Variants in SMARCA2 observed in about 807,000 individuals in gnomAD.
SMARCA2 encodes the protein SWI/SNF-related matrix-associated actin-dependent regulator of chromatin subfamily A member 2.
In SMARCA2, 61 loss-of-function variants were observed where a neutral mutation model predicts 199.8. The ratio of observed to expected loss-of-function variants is 0.31; its 90% CI spans 0.25 to 0.38. The LOEUF (loss-of-function observed/expected upper bound fraction) is 0.38. Ranked by LOEUF, SMARCA2 falls within the 10% of genes least tolerant of loss-of-function variation. The probability of loss-of-function intolerance (pLI) is 1.00; values close to 1 mark genes in which losing one functional copy is unlikely to be tolerated. For missense variants in SMARCA2, 1,344 were observed against 2,012.2 expected, an observed-to-expected ratio of 0.67 and a Z score of 6.35; for synonymous variants, 935 against 732.0, an observed-to-expected ratio of 1.28 and a Z score of -4.48.
rs1008835333 is a variant in SMARCA2 at position 2,016,089 on chromosome 9, C to G, written c.-37+685C>G. 6.6e-6 allele frequency: 1 copy of G among 152,220 alleles called. No individual in the cohort carries two copies. The highest frequency in any genetic ancestry group is 1.9e-4 in the East Asian group (1 of 5,160). The allele number at this position is 152,220 out of a possible 1,614,324, so 9.4% of individuals were successfully genotyped here. On this transcript the variant is annotated intron_variant, in intron 1 of 33. Coordinates refer to ENST00000349721, the MANE Select transcript of SMARCA2 (RefSeq NM_003070.5). The surrounding 1 kb of genome is among the most constrained non-coding windows in gnomAD (Gnocchi z 5.6). The stretch of plus-strand genomic sequence containing the variant: ...CTGCGGAGACGTGAGCGGATCGCAG[C>G]GGGAGAAGCCTGAGCTGACGCGCGA...
intron 9 of SMARCA2, among the ~76,000 whole-genome samples, chr9:2,065,556 A>G (rs1448303264): frequency 6.6e-6 from 1 of 152,236 alleles, no homozygotes; most frequent in Non-Finnish European, 1.5e-5. Flanking sequence ...ACATAGTGGT[A>G]GGAAATGTGT....
chr9:2,156,604 T>A (rs1825378223), intron 27 of SMARCA2, among the ~76,000 whole-genome samples: 1 of 152,016 alleles, frequency 6.6e-6, no homozygotes, highest in Non-Finnish European at 1.5e-5. Context: ...GCTAATTTTG[T>A]ATTTTTAGTA....
At chr9:2,054,747 C>T in intron 6 of SMARCA2, 24 bp downstream of exon 6, 1 of 1,612,710 alleles carries the variant, frequency 6.2e-7, no homozygotes, top group East Asian at 2.2e-5. Context: ...CCCAGTGAAT[C>T]TGAGATGTAG....
intron 9 of SMARCA2, among the ~76,000 whole-genome samples, chr9:2,063,656 A>G (rs778724043): frequency 4.6e-5 from 7 of 152,220 alleles, no homozygotes; most frequent in Non-Finnish European, 8.8e-5. Flanking sequence ...GAAATGTGCT[A>G]TTAAAGATGA....
rs1261465416 is a variant in SMARCA2, at chr9:2,169,473, G to A, written c.4200-946G>A. 2.0e-5 allele frequency among the ~76,000 whole-genome samples: 3 copies of A among 152,048 alleles called. No homozygotes were observed. The highest frequency in any genetic ancestry group is 1.3e-4 in the Admixed American group (2 of 15,272). The stretch of plus-strand genomic sequence containing the variant: ...CTCCTTATATTTCAGACATTCCAAA[G>A]AATTCTGTGTATTTTGAAGCGAGCA... On this transcript the variant is annotated intron_variant, in intron 28 of 33. Coordinates refer to ENST00000349721, the MANE Select transcript of SMARCA2 (RefSeq NM_003070.5). The surrounding 1 kb of genome is among the most constrained non-coding windows in gnomAD (Gnocchi z 6.5).
rs1826092898 is a variant in SMARCA2, at chr9:2,169,048, T to C, written c.4200-1371T>C. 6.6e-6 allele frequency among the ~76,000 whole-genome samples: 1 copy of C among 152,226 alleles called. No homozygotes were observed. The highest frequency in any genetic ancestry group is 2.4e-5 in the African/African-American group (1 of 41,462). On this transcript the variant is annotated intron_variant, in intron 28 of 33. Coordinates refer to ENST00000349721, the MANE Select transcript of SMARCA2 (RefSeq NM_003070.5). This position sits in a 1 kb window ranked among gnomAD's most constrained non-coding sequence, Gnocchi z 6.5. The stretch of plus-strand genomic sequence containing the variant: ...TTCTGTGTCTCCTTGGTCAGCACCA[T>C]CATTAGCCCAAGGTCCTAAAAGTGA...
At chr9:2,103,862 T>C in intron 22 of SMARCA2, 141 bp from the exon 23 acceptor site, 1 of 623,104 alleles carries the variant, frequency 1.6e-6, no homozygotes, top group Non-Finnish European at 2.8e-6. Flanking sequence ...GGAGTTCATA[T>C]TCATTCATTC....
intron 27 of SMARCA2, among the ~76,000 whole-genome samples, chr9:2,153,766 G>A (rs1376086950): frequency 1.3e-5 from 2 of 152,068 alleles, no homozygotes; most frequent in Non-Finnish European, 2.9e-5. Context: ...TGTGCACTTT[G>A]AACTTGCATG....
intron 27 of SMARCA2, among the ~76,000 whole-genome samples, chr9:2,129,073 C>T (rs566781704): frequency 6.6e-6 from 1 of 152,272 alleles, no homozygotes; most frequent in African/African-American, 2.4e-5. Flanking sequence ...ACTCACAGAA[C>T]TCAGGCAAGT....
At chr9:2,049,775 C>T (rs1391566475) in intron 5 of SMARCA2, among the ~76,000 whole-genome samples, 1 of 152,182 alleles carries the variant, frequency 6.6e-6, no homozygotes, top group East Asian at 1.9e-4. Flanking sequence ...AATGAAGTCC[C>T]TTAGGCACTT....
intron 21 of SMARCA2, among the ~76,000 whole-genome samples, chr9:2,098,913 C>T (rs1041518632): frequency 2.6e-5 from 4 of 151,360 alleles, no homozygotes; most frequent in Non-Finnish European, 4.4e-5. Flanking sequence ...CACCATTGTA[C>T]TCCAGCCTGA....
intron 1 of SMARCA2, among the ~76,000 whole-genome samples, chr9:2,026,594 C>T (rs1248513913): frequency 6.6e-6 from 1 of 152,162 alleles, no homozygotes; most frequent in East Asian, 1.9e-4. Context: ...GTAGGAATAT[C>T]AGCCTAACTT....
intron 27 of SMARCA2, among the ~76,000 whole-genome samples, chr9:2,156,728 G>A (rs1253824247): frequency 6.6e-6 from 1 of 152,052 alleles, no homozygotes; most frequent in African/African-American, 2.4e-5. Flanking sequence ...ACCGTACCTG[G>A]CCCATTGTAG....
intron 27 of SMARCA2, among the ~76,000 whole-genome samples, chr9:2,138,184 CA>C (rs34160659): frequency 0.33 from 48,370 of 148,202 alleles, 11,820 homozygotes; most frequent in African/African-American, 0.69. Context: ...ACAACAACAA[CA>C]AAAAAAAAAC....
chr9:2,018,672 G>T (rs1818469393), intron 1 of SMARCA2, among the ~76,000 whole-genome samples: 1 of 152,204 alleles, frequency 6.6e-6, no homozygotes, highest in African/African-American at 2.4e-5. Flanking sequence ...CATAAATAAT[G>T]AGATTGTTGC....
chr9:2,086,303 C>G lies in SMARCA2; in HGVS notation c.2527-526C>G, dbSNP rs1022680397. Among the ~76,000 whole-genome samples the G allele has an allele frequency of 6.6e-6, 1 of 152,184 alleles. No individual in the cohort carries two copies. Among genetic ancestry groups the G allele is most frequent in the Non-Finnish European group, 1.5e-5 (1 of 68,022 alleles). ...ACAAAACACACTTCCGGGCCAAGCC[C>G]TAAAGGTAGTAACCAGCCAGGCTAA... On this transcript the variant is annotated intron_variant, in intron 17 of 33. Transcript: ENST00000349721. The surrounding 1 kb of genome is among the most constrained non-coding windows in gnomAD (Gnocchi z 4.3).
chr9:2,033,881 G>A (rs907784843), intron 3 of SMARCA2, among the ~76,000 whole-genome samples: 1 of 152,114 alleles, frequency 6.6e-6, no homozygotes, highest in African/African-American at 2.4e-5. Flanking sequence ...TTCTTTTTAT[G>A]GGGGCCATTC....
intron 23 of SMARCA2, among the ~76,000 whole-genome samples, chr9:2,107,901 C>T (rs190010547): frequency 2.6e-5 from 4 of 152,124 alleles, no homozygotes; most frequent in Admixed American, 6.5e-5. Flanking sequence ...GGGCACCAAG[C>T]ATAAAGATGG....
At chr9:2,063,296 T>C (rs1820683869) in intron 9 of SMARCA2, among the ~76,000 whole-genome samples, 1 of 152,238 alleles carries the variant, frequency 6.6e-6, no homozygotes. Flanking sequence ...CCAGATGCAC[T>C]TTTATTCAAG....
Sources: gnomAD v4.1 joint callset for allele counts (sites outside exome capture counted in the v4.1 genomes callset) on GRCh38, gnomAD v4.1.1 for gene constraint, Gnocchi (gnomAD v3.1) non-coding constraint, MANE v1.5 for transcripts, NCBI Gene and HGNC (gene_info 2026-07-23, HGNC 2026-07-21) for gene names.